Variants in GJC2 observed in about 807,000 individuals in gnomAD.
The protein encoded by GJC2 is gap junction gamma-2 protein.
For missense variants in GJC2, 647 were observed against 648.9 expected (o/e 1.00, Z 0.03); for synonymous variants, 336 against 307.5 (o/e 1.09, Z -0.97).
rs78587210 is a variant in GJC2, at chr1:228,159,083, G to A, written c.*5G>A. 10 of 1,609,312 alleles carry A rather than the reference G, an allele frequency of 6.2e-6. No individual in the cohort carries two copies. Among genetic ancestry groups the A allele is most frequent in the Admixed American group, 3.3e-5 (2 of 59,902 alleles). The stretch of plus-strand genomic sequence containing the variant: ...AAGACCACCGTGTGGATCTGAGGGC[G>A]CTGGCTTGCGAGCTGGGCCAGGGAG... On this transcript the variant is annotated 3_prime_UTR_variant, in exon 2 of 2. Coordinates refer to ENST00000366714, the MANE Select transcript of GJC2 (RefSeq NM_020435.4). The surrounding 1 kb of genome is among the most constrained non-coding windows in gnomAD (Gnocchi z 4.0).
At position 228,159,610 on chromosome 1, in the gene GJC2, A is replaced by T. The variant is rs1193539675; in HGVS notation, c.*532A>T. The T allele has an allele frequency of 5.9e-6, 1 of 169,528 alleles. No individual in the cohort carries two copies. The highest frequency in any genetic ancestry group is 1.4e-5 in the Non-Finnish European group (1 of 69,538). The allele number at this position is 169,528 out of a possible 1,614,324, so 10.5% of individuals were successfully genotyped here. The stretch of plus-strand genomic sequence containing the variant: ...ACCATACCCTCTTTGAGCTTCTGCG[A>T]TGCCGGCCTTCCGTTCCTCTGGGAG... On this transcript the variant is annotated 3_prime_UTR_variant, in exon 2 of 2. Transcript: ENST00000366714. The surrounding 1 kb of genome is among the most constrained non-coding windows in gnomAD (Gnocchi z 4.0).
rs996846268 is a variant in GJC2, at chr1:228,155,940, G to A, written c.-19-1800G>A. Among the ~76,000 whole-genome samples the A allele has an allele frequency of 4.6e-5, 7 of 152,378 alleles. No individual in the cohort carries two copies. In the South Asian group the frequency reaches 1.4e-3, roughly 32 times the overall value. On this transcript the variant is annotated intron_variant, in intron 1 of 1. Transcript: ENST00000366714. ...TGCCCCCACACAGCTGGGCAGGCTG[G>A]CCCTGGCACTGAAGGCCTCCTGCCC...
chr1:228,157,900 TCGGA>T lies in GJC2; in HGVS notation c.145_148del (p.Asp49SerfsTer160). 6.2e-7 allele frequency: 1 copy of T among 1,612,596 alleles called. No homozygotes were observed. The highest frequency in any genetic ancestry group is 8.5e-7 in the Non-Finnish European group (1 of 1,179,826). ...GGCTGTGGGCGGCGAGGCCATCTAC[TCGGA>T]CGAGCAGGCCAAGTTCACTTGCAAC... On this transcript the variant is annotated frameshift_variant, in exon 2 of 2. Coordinates refer to ENST00000366714, the MANE Select transcript of GJC2 (RefSeq NM_020435.4). LOFTEE classifies it low-confidence loss of function (END_TRUNC).
At chr1:228,153,576 CTT>C (rs2034645176) in intron 1 of GJC2, among the ~76,000 whole-genome samples, 1 of 124,178 alleles carries the variant, frequency 8.1e-6, no homozygotes, top group Non-Finnish European at 1.7e-5. Flanking sequence ...CCCCATTTCT[CTT>C]TTCTTTTTTT....
In GJC2 at chr1:228,157,923, T is replaced by C. The variant is rs955563527; in HGVS notation, c.165T>C (p.Thr55=). 1.9e-6 allele frequency: 3 copies of C among 1,612,818 alleles called. No homozygotes were observed. The highest frequency in any genetic ancestry group is 1.7e-4 in the Middle Eastern group (1 of 6,060). The change falls in exon 2 of 2, where the codon ACT becomes ACC. Residue 55 remains threonine (T), a synonymous_variant. Transcript: ENST00000366714. ...ACTCGGACGAGCAGGCCAAGTTCAC[T>C]TGCAACACGCGGCAGCCAGGCTGCG... is the stretch of plus-strand genomic sequence containing the variant. ...AIYSDEQAKF[T]CNTRQPGCDN...
rs965659074 is a variant in GJC2 at position 228,152,573 on chromosome 1, T to C, written c.-20+2566T>C. ...AACCCTTCCCAGAGGTGGCCCCCACTGTGAGCCCCCATGGTGAGTCCCTTT... is the reference window on the plus strand; with the variant it reads ...AACCCTTCCCAGAGGTGGCCCCCACCGTGAGCCCCCATGGTGAGTCCCTTT... On this transcript the variant is annotated intron_variant, in intron 1 of 1. Transcript: ENST00000366714. This position sits in a 1 kb window ranked among gnomAD's most constrained non-coding sequence, Gnocchi z 7.3. 3.9e-5 allele frequency among the ~76,000 whole-genome samples: 6 copies of C among 152,048 alleles called. No homozygotes were observed. Among genetic ancestry groups the C allele is most frequent in the South Asian group, 2.1e-4 (1 of 4,826 alleles).
At chr1:228,157,158 CCCCGACGCCCCTGTCCAGGGTGT>C (rs1558119170) in intron 1 of GJC2, among the ~76,000 whole-genome samples, 247 of 143,330 alleles carry the variant, frequency 1.7e-3, no homozygotes, top group African/African-American at 6.7e-3. Flanking sequence ...TGTGGAGGGA[CCCCGACGCCCCTGTCCAGGGTGT>C]GGAGGGAGGC....
Position 228,157,740 on chromosome 1 carries a change from G to GGCCT in GJC2, c.-19_-18insGCCT. On this transcript the variant is annotated splice_region_variant and 5_prime_UTR_variant, in exon 2 of 2. Transcript: ENST00000366714. The stretch of plus-strand genomic sequence containing the variant: ...GGCTGACCCCTACCCCGCCCCACAG[G>GGCCT]ACCCGCCCGCCCGCCCCTATGACCA... 1.5e-6 allele frequency: 1 copy of GGCCT among 662,262 alleles called. No homozygotes were observed. Among genetic ancestry groups the GGCCT allele is most frequent in the Non-Finnish European group, 2.6e-6 (1 of 378,506 alleles). The allele number at this position is 662,262 out of a possible 1,614,324, so 41.0% of individuals were successfully genotyped here.
intron 1 of GJC2, among the ~76,000 whole-genome samples, chr1:228,155,644 C>T (rs144703565): frequency 7.1e-6 from 1 of 141,636 alleles, no homozygotes; most frequent in East Asian, 1.9e-4. Context: ...GGCCCTGAGA[C>T]CAGGACCCAG....
At chr1:228,156,058 G>A (rs950606201) in intron 1 of GJC2, among the ~76,000 whole-genome samples, 3 of 152,234 alleles carry the variant, frequency 2.0e-5, no homozygotes, top group Non-Finnish European at 4.4e-5. Flanking sequence ...GGGGAGGGAG[G>A]TGGGCCCTGC....
rs1174237782 is a variant in GJC2, at chr1:228,158,844, A to C, written c.1086A>C (p.Ala362=). ...NLALQALRDG[A]AAGDRDRDSS... ...CCCTGCAGGCGCTGCGCGACGGGGC[A>C]GCGGCTGGGGACCGCGACCGGGACA... Residue 362 remains alanine, a synonymous_variant, in exon 2 of 2, where the codon GCA becomes GCC. Transcript: ENST00000366714. This position sits in a 1 kb window ranked among gnomAD's most constrained non-coding sequence, Gnocchi z 8.3. The C allele has an allele frequency of 2.7e-6, 4 of 1,459,544 alleles. No individual in the cohort carries two copies. The highest frequency in any genetic ancestry group is 3.6e-6 in the Non-Finnish European group (4 of 1,110,692). 90.4% of individuals were successfully genotyped at this position (1,459,544 alleles called of 1,614,324 possible).
In GJC2 at chr1:228,155,475, G is replaced by A. The variant is rs567555331; in HGVS notation, c.-19-2265G>A. 3.9e-5 allele frequency among the ~76,000 whole-genome samples: 6 copies of A among 152,324 alleles called. No individual in the cohort carries two copies. The South Asian group carries it at 8.3e-4, about 21-fold the overall frequency. On this transcript the variant is annotated intron_variant, in intron 1 of 1. Transcript: ENST00000366714. ...GCGGGGCCAGGCTCAGGATTGGCTG[G>A]GATAGGGAAGCTGCTCTGCAGAGCA...
rs1053240385 is a variant in GJC2, at chr1:228,158,742, C to T, written c.984C>T (p.Ala328=). Residue 328 remains alanine, a synonymous_variant, in exon 2 of 2, where the codon GCC becomes GCT. Transcript: ENST00000366714. The surrounding 1 kb of genome is among the most constrained non-coding windows in gnomAD (Gnocchi z 8.3). The part of the protein sequence containing the change: ...CAFPAAAAGL[A]CPPDYSLVVR... ...TCCCTGCGGCGGCCGCTGGCTTGGC[C>T]TGCCCGCCCGACTACAGCCTGGTGG... 3 of 1,370,892 alleles carry T rather than the reference C, an allele frequency of 2.2e-6. No homozygotes were observed. In the African/African-American group the frequency reaches 4.7e-5, roughly 21 times the overall value. 84.9% of individuals were successfully genotyped at this position (1,370,892 alleles called of 1,614,324 possible). A position where few individuals can be genotyped will look rare whatever the true frequency, so the allele number is the denominator to read the frequency against.
In GJC2 at chr1:228,158,206, C is replaced by G. The variant is rs1558119730; in HGVS notation, c.448C>G (p.Leu150Val). ...DLGEEEPMLG[L>V]GEEEEEEETG... ...GGGCGAGGAGGAGCCCATGCTGGGC[C>G]TGGGCGAGGAGGAGGAGGAGGAGGA... Residue 150 changes from leucine (L) to valine (V), a missense_variant, in exon 2 of 2, where the codon CTG becomes GTG. By Grantham distance (32) the Leu-to-Val change is conservative. Coordinates refer to ENST00000366714, the MANE Select transcript of GJC2 (RefSeq NM_020435.4). This position sits in a 1 kb window ranked among gnomAD's most constrained non-coding sequence, Gnocchi z 8.3. 8.8e-6 allele frequency: 13 copies of G among 1,482,972 alleles called. No homozygotes were observed. Among genetic ancestry groups the G allele is most frequent in the Non-Finnish European group, 1.2e-5 (13 of 1,120,756 alleles). 91.9% of individuals were successfully genotyped at this position (1,482,972 alleles called of 1,614,324 possible).
In GJC2 at chr1:228,158,814, C is replaced by G; in HGVS notation, c.1056C>G (p.Asn352Lys). 6.9e-7 allele frequency: 1 copy of G among 1,452,308 alleles called. No individual in the cohort carries two copies. Among genetic ancestry groups the G allele is most frequent in the South Asian group, 1.3e-5 (1 of 78,604 alleles). 90.0% of individuals were successfully genotyped at this position (1,452,308 alleles called of 1,614,324 possible). A position where few individuals can be genotyped will look rare whatever the true frequency, so the allele number is the denominator to read the frequency against. ...RARAHDQNLA[N>K]LALQALRDGA... ...GGGCGCATGACCAGAACCTGGCAAA[C>G]CTGGCCCTGCAGGCGCTGCGCGACG... The change falls in exon 2 of 2, where the codon AAC becomes AAG. Residue 352 changes from asparagine (N) to lysine (K), a missense_variant. Asn to Lys is a moderately conservative substitution (Grantham distance 94). Transcript: ENST00000366714. The surrounding 1 kb of genome is among the most constrained non-coding windows in gnomAD (Gnocchi z 8.3).
intron 1 of GJC2, among the ~76,000 whole-genome samples, chr1:228,155,104 C>T (rs554130252): frequency 6.6e-5 from 10 of 152,328 alleles, no homozygotes; most frequent in African/African-American, 2.4e-4. Flanking sequence ...TGATCGTCAT[C>T]ACATGGAATA....
At position 228,151,221 on chromosome 1, in the gene GJC2, C is replaced by CACCT. The variant is rs2034612780; in HGVS notation, c.-20+1215_-20+1218dup. ...GGCACCAGCCTGGATGCTGCCTTGC[C>CACCT]ACCTGCACGTGTGCACGGCCCTGGC... On this transcript the variant is annotated intron_variant, in intron 1 of 1. Transcript: ENST00000366714. The surrounding 1 kb of genome is among the most constrained non-coding windows in gnomAD (Gnocchi z 5.4). Among the ~76,000 whole-genome samples the CACCT allele has an allele frequency of 6.6e-6, 1 of 152,168 alleles. No individual in the cohort carries two copies. The highest frequency in any genetic ancestry group is 6.5e-5 in the Admixed American group (1 of 15,280).
Position 228,151,122 on chromosome 1 carries a change from A to G in GJC2, c.-20+1115A>G, listed in dbSNP as rs183545132. ...GGGACCCTGAGGGAGGGAACTCAAG[A>G]ACAGGCTGCAGGAGGGGCCCACGCA... On this transcript the variant is annotated intron_variant, in intron 1 of 1. Coordinates refer to ENST00000366714, the MANE Select transcript of GJC2 (RefSeq NM_020435.4). This position sits in a 1 kb window ranked among gnomAD's most constrained non-coding sequence, Gnocchi z 5.4. Among the ~76,000 whole-genome samples, 3 of 152,192 alleles carry G rather than the reference A, an allele frequency of 2.0e-5. No individual in the cohort carries two copies. Among genetic ancestry groups the G allele is most frequent in the African/African-American group, 7.2e-5 (3 of 41,516 alleles).
At chr1:228,156,164 G>A (rs932666495) in intron 1 of GJC2, among the ~76,000 whole-genome samples, 3 of 152,242 alleles carry the variant, frequency 2.0e-5, no homozygotes, top group South Asian at 2.1e-4. Flanking sequence ...GTGTGTGCAC[G>A]GGTCTGTGTG....
Sources: allele counts gnomAD v4.1 joint callset (sites outside exome capture counted in the v4.1 genomes callset), GRCh38; gene constraint gnomAD v4.1.1; non-coding constraint Gnocchi (gnomAD v3.1); transcripts MANE v1.5; gene names NCBI Gene and HGNC (gene_info 2026-07-23, HGNC 2026-07-21).